The following CCDC68 variants were observed in gnomAD, a reference collection of about 807,000 sequenced individuals.
CCDC68 encodes coiled-coil domain containing 68.
Under a neutral mutation model 47.1 loss-of-function variants are expected in CCDC68, and 45 were observed. That is an observed-to-expected ratio of 0.96 (90% CI 0.75 to 1.23). The LOEUF (loss-of-function observed/expected upper bound fraction) is 1.23, where lower values mean the gene tolerates loss of function less well. Ranked by LOEUF, CCDC68 falls within the 50% of genes most tolerant of loss-of-function variation. The pLI, the probability that CCDC68 is intolerant of heterozygous loss-of-function variation, is 0.00. For synonymous variants in CCDC68, 131 were observed against 129.5 expected, an observed-to-expected ratio of 1.01 and a Z score of -0.08; for missense variants, 353 against 373.6, an observed-to-expected ratio of 0.94 and a Z score of 0.45.
chr18:54,947,926 G>T (rs1417356127), intron 1 of CCDC68, among the ~76,000 whole-genome samples: 1 of 152,158 alleles, frequency 6.6e-6, no homozygotes, highest in Non-Finnish European at 1.5e-5. Context: ...CTATTGAAGA[G>T]TTTACAATCT....
intron 1 of CCDC68, among the ~76,000 whole-genome samples, chr18:54,947,268 C>G (rs1466813189): frequency 6.6e-6 from 1 of 152,228 alleles, no homozygotes; most frequent in Non-Finnish European, 1.5e-5. Flanking sequence ...CAGGTGGCAT[C>G]ACGCCAAGAG....
intron 7 of CCDC68, among the ~76,000 whole-genome samples, chr18:54,930,629 CCCTCCCTCCCT>C (rs1568147373): frequency 3.9e-4 from 4 of 10,278 alleles, no homozygotes; most frequent in African/African-American, 1.2e-3. Flanking sequence ...CCCTTCCCCT[CCCTCCCTCCCT>C]CCCTCCCTCC....
rs759869367 is a variant in CCDC68, at chr18:54,907,772, G to A, written c.950+14C>T. 1.3e-6 allele frequency: 2 copies of A among 1,485,204 alleles called. No individual in the cohort carries two copies. Among genetic ancestry groups the A allele is most frequent in the Non-Finnish European group, 1.9e-6 (2 of 1,062,702 alleles). The allele number at this position is 1,485,204 out of a possible 1,614,324, so 92.0% of individuals were successfully genotyped here. The stretch of plus-strand genomic sequence containing the variant: ...AGGTTGTGAAGACAGGGTGGAAGAG[G>A]ACAGAGACCTTACCTTGTAGAGACA... On this transcript the variant is annotated intron_variant, in intron 11 of 11. Transcript: ENST00000591504.
chr18:54,949,807 A>G (rs1231714606), intron 1 of CCDC68, among the ~76,000 whole-genome samples: 3 of 152,196 alleles, frequency 2.0e-5, no homozygotes, highest in Admixed American at 6.5e-5. Context: ...AGTGCAACTC[A>G]GGGAATGGCC....
At chr18:54,953,554 A>AGG (rs2044658017) in intron 1 of CCDC68, among the ~76,000 whole-genome samples, 3 of 151,096 alleles carry the variant, frequency 2.0e-5, no homozygotes, top group Non-Finnish European at 4.4e-5. Context: ...ATATATATAG[A>AGG]GAGAGAGAGA....
Position 54,910,859 on chromosome 18 carries a change from T to G in CCDC68, c.874-2997A>C, listed in dbSNP as rs183244798. 6.6e-5 allele frequency among the ~76,000 whole-genome samples: 10 copies of G among 151,864 alleles called. No individual in the cohort carries two copies. In the East Asian group the frequency reaches 1.7e-3, roughly 27 times the overall value. ...AACTTTGCTCCGAGATTGGGGAGGGTGCCAACAGCAGGGAGAAGCCAGGCA... is the reference window on the plus strand; with the variant it reads ...AACTTTGCTCCGAGATTGGGGAGGGGGCCAACAGCAGGGAGAAGCCAGGCA... On this transcript the variant is annotated intron_variant, in intron 10 of 11. Coordinates refer to ENST00000591504, the MANE Select transcript of CCDC68 (RefSeq NM_025214.3).
At chr18:54,927,530 T>C (rs2044166301) in intron 8 of CCDC68, among the ~76,000 whole-genome samples, 2 of 152,200 alleles carry the variant, frequency 1.3e-5, no homozygotes, top group Admixed American at 1.3e-4. Context: ...GTAGTTCTGC[T>C]ACCTGGAAAA....
At chr18:54,930,622 TTC>T (rs2044227529) in intron 7 of CCDC68, among the ~76,000 whole-genome samples, 3 of 41,658 alleles carry the variant, frequency 7.2e-5, no homozygotes, top group Non-Finnish European at 9.6e-5. Flanking sequence ...TTCCCTTCCC[TTC>T]CCCTCCCTCC....
At chr18:54,923,427 C>T (rs1012290089) in intron 8 of CCDC68, among the ~76,000 whole-genome samples, 1 of 149,876 alleles carries the variant, frequency 6.7e-6, no homozygotes. Flanking sequence ...ATTACCATAG[C>T]GTTCACTGTA....
rs757178660 is a variant in CCDC68, at chr18:54,919,330, A to T, written c.730T>A (p.Ser244Thr). 1 of 1,614,020 alleles carries T rather than the reference A, an allele frequency of 6.2e-7. No homozygotes were observed. Among genetic ancestry groups the T allele is most frequent in the South Asian group, 1.1e-5 (1 of 91,078 alleles). Residue 244 changes from serine to threonine, a missense_variant, in exon 9 of 12, where the codon TCT (serine) becomes ACT (threonine). Transcript: ENST00000591504. Reference protein sequence around the residue: ...REISILQEQISHLQFVIHSQH... With the variant: ...REISILQEQITHLQFVIHSQH... ...GAGTGAATCACAAACTGCAGATGAG[A>T]GATCTGCTCCTGGAGAATGGAAATC...
rs142141279 is a variant in CCDC68 at position 54,913,674 on chromosome 18, A to G, written c.873+4239T>C. On this transcript the variant is annotated intron_variant, in intron 10 of 11. Transcript: ENST00000591504. Reference sequence around the variant, plus strand: ...TTTGTTTGTTATAAATTAGCCAGATATGGTGGTGTGCGCCTGTATTCCCAG... The same window carrying G: ...TTTGTTTGTTATAAATTAGCCAGATGTGGTGGTGTGCGCCTGTATTCCCAG... Among the ~76,000 whole-genome samples the G allele has an allele frequency of 4.6e-5, 7 of 151,886 alleles. No individual in the cohort carries two copies. In the East Asian group the frequency reaches 1.4e-3, roughly 29 times the overall value.
intron 8 of CCDC68, among the ~76,000 whole-genome samples, chr18:54,919,930 G>A (rs921559966): frequency 1.2e-4 from 18 of 151,572 alleles, no homozygotes; most frequent in African/African-American, 3.6e-4. Context: ...ATAGGGAAAC[G>A]GGGGGAAAAA....
At chr18:54,946,949 T>C (rs1054580512) in intron 1 of CCDC68, among the ~76,000 whole-genome samples, 3 of 152,160 alleles carry the variant, frequency 2.0e-5, no homozygotes, top group African/African-American at 7.2e-5. Context: ...GGCAGGTAGT[T>C]CACATCTATC....
chr18:54,911,151 G>A (rs898631094), intron 10 of CCDC68, among the ~76,000 whole-genome samples: 7 of 152,158 alleles, frequency 4.6e-5, no homozygotes, highest in Non-Finnish European at 8.8e-5. Flanking sequence ...GGGTTCAAGC[G>A]ATTCTCCTGC....
intron 11 of CCDC68, among the ~76,000 whole-genome samples, chr18:54,905,594 T>C (rs535359344): frequency 6.6e-6 from 1 of 152,264 alleles, no homozygotes; most frequent in Admixed American, 6.5e-5. Flanking sequence ...CTCCCTAGAG[T>C]TAATTCCATT....
At chr18:54,938,158 C>T (rs951323422) in intron 4 of CCDC68, 61 bp from the exon 5 acceptor site, 2 of 1,510,178 alleles carry the variant, frequency 1.3e-6, no homozygotes, top group East Asian at 2.3e-5. Flanking sequence ...ACTTTGACAA[C>T]AATAATGATC....
intron 8 of CCDC68, 149 bp downstream of exon 8, chr18:54,928,651 C>G (rs2044187675): frequency 1.6e-6 from 1 of 619,758 alleles, no homozygotes; most frequent in African/African-American, 1.9e-5. Flanking sequence ...AACTACATGA[C>G]TGTTAATCCC....
intron 10 of CCDC68, 122 bp from the exon 11 acceptor site, chr18:54,907,984 T>C (rs2145356175): frequency 1.5e-6 from 1 of 660,448 alleles, no homozygotes; most frequent in East Asian, 2.7e-5. Flanking sequence ...ATTGCAGTTA[T>C]GCTATAGAAC....
At chr18:54,953,964 G>C in intron 1 of CCDC68, among the ~76,000 whole-genome samples, 2 of 137,582 alleles carry the variant, frequency 1.5e-5, no homozygotes, top group Admixed American at 7.5e-5. Flanking sequence ...GCCTGAAACA[G>C]CCAGGACCCT....
Sources: allele counts gnomAD v4.1 joint callset (sites outside exome capture counted in the v4.1 genomes callset), GRCh38; gene constraint gnomAD v4.1.1; transcripts MANE v1.5; gene names NCBI Gene and HGNC (gene_info 2026-07-23, HGNC 2026-07-21).